PAK5: variants seen among roughly 807,000 people sequenced by gnomAD.
The protein encoded by PAK5 is serine/threonine-protein kinase PAK 5.
Under a neutral mutation model 65.9 loss-of-function variants are expected in PAK5, and 16 were observed. That is an observed-to-expected ratio of 0.24 (90% CI 0.16 to 0.37). The LOEUF (loss-of-function observed/expected upper bound fraction) is 0.37. Among genes scored for constraint, PAK5 ranks in the 10% least tolerant of loss-of-function variants. The pLI, the probability that PAK5 is intolerant of heterozygous loss-of-function variation, is 1.00. For missense variants in PAK5, 785 were observed against 903.9 expected (o/e 0.87, Z 1.69); for synonymous variants, 371 against 354.9 (o/e 1.05, Z -0.51).
intron 1 of PAK5, among the ~76,000 whole-genome samples, chr20:9,782,515 C>T (rs1172004587): frequency 2.0e-5 from 3 of 152,042 alleles, no homozygotes; most frequent in Non-Finnish European, 4.4e-5. Context: ...ATATGTGTAC[C>T]TTGGAATCCG....
At chr20:9,799,084 T>A (rs2049137944) in intron 1 of PAK5, among the ~76,000 whole-genome samples, 1 of 152,166 alleles carries the variant, frequency 6.6e-6, no homozygotes, top group Non-Finnish European at 1.5e-5. Context: ...AAAAACTAGA[T>A]AAGTAGTGAA....
intron 1 of PAK5, among the ~76,000 whole-genome samples, chr20:9,750,184 T>C (rs1215922149): frequency 2.0e-5 from 3 of 152,032 alleles, no homozygotes; most frequent in African/African-American, 7.2e-5. Flanking sequence ...TGGCAGCAAA[T>C]GTTTGCCTCC....
At chr20:9,644,925 A>C (rs1267018906) in intron 2 of PAK5, among the ~76,000 whole-genome samples, 1 of 152,248 alleles carries the variant, frequency 6.6e-6, no homozygotes, top group East Asian at 1.9e-4. Flanking sequence ...TGACCAGTAC[A>C]CAGGGAGAAA....
intron 3 of PAK5, among the ~76,000 whole-genome samples, chr20:9,625,589 A>G (rs1194244715): frequency 2.0e-5 from 3 of 151,906 alleles, no homozygotes; most frequent in Non-Finnish European, 4.4e-5. Context: ...TTTCTTACGG[A>G]GAAGGTCTTG....
chr20:9,561,292 G>C (rs2045586803), intron 6 of PAK5, among the ~76,000 whole-genome samples: 1 of 152,278 alleles, frequency 6.6e-6, no homozygotes, highest in East Asian at 1.9e-4. Flanking sequence ...GACAAAGGTA[G>C]AGCTGGAGAC....
chr20:9,671,886 A>G (rs1384755912), intron 2 of PAK5, among the ~76,000 whole-genome samples: 1 of 152,142 alleles, frequency 6.6e-6, no homozygotes, highest in East Asian at 1.9e-4. Flanking sequence ...GTTTTTGTCC[A>G]TTCAGTAAAA....
chr20:9,555,406 G>A (rs920037842), intron 7 of PAK5, among the ~76,000 whole-genome samples: 6 of 152,148 alleles, frequency 3.9e-5, no homozygotes, highest in African/African-American at 1.4e-4. Context: ...TGACTTCTTA[G>A]TCTCATTTCT....
At position 9,673,744 on chromosome 20, in the gene PAK5, TA is replaced by T. The variant is rs138572140; in HGVS notation, c.-11-29406del. Among the ~76,000 whole-genome samples, 529 of 152,272 alleles carry T rather than the reference TA, an allele frequency of 3.5e-3. 3 individuals are homozygous for T. Among genetic ancestry groups the T allele is most frequent in the African/African-American group, 0.012 (501 of 41,560 alleles). On this transcript the variant is annotated intron_variant, in intron 2 of 9. Transcript: ENST00000353224. ...CTACTTGTCCATCAGTATACTGTATTATAGTTTTTATGGGACATTTCTGCCC... is the reference window on the plus strand; with the variant it reads ...CTACTTGTCCATCAGTATACTGTATTTAGTTTTTATGGGACATTTCTGCCC...
At chr20:9,804,663 T>C (rs2049209981) in intron 1 of PAK5, among the ~76,000 whole-genome samples, 1 of 152,140 alleles carries the variant, frequency 6.6e-6, no homozygotes, top group South Asian at 2.1e-4. Flanking sequence ...TTGGCAGTGG[T>C]TCCTCAGTTA....
At chr20:9,798,417 G>A (rs540035505) in intron 1 of PAK5, among the ~76,000 whole-genome samples, 18 of 152,188 alleles carry the variant, frequency 1.2e-4, no homozygotes, top group Non-Finnish European at 2.5e-4. Context: ...GTACAGGGTT[G>A]GCCTTTGACT....
rs555628973 is a variant in PAK5 at position 9,829,096 on chromosome 20, A to G, written c.-162+9666T>C. ...TTAGCTAAGGAAATCCCACAACTGG[A>G]CATCTGTTTAAAAATGTAAGTTAAA... On this transcript the variant is annotated intron_variant, in intron 1 of 9. Coordinates refer to ENST00000353224, the MANE Select transcript of PAK5 (RefSeq NM_177990.4). Among the ~76,000 whole-genome samples, 23 of 152,340 alleles carry G rather than the reference A, an allele frequency of 1.5e-4. No homozygotes were observed. The South Asian group carries it at 4.1e-3, about 27-fold the overall frequency.
chr20:9,626,086 T>G (rs1344313450), intron 3 of PAK5, among the ~76,000 whole-genome samples: 1 of 152,100 alleles, frequency 6.6e-6, no homozygotes, highest in East Asian at 1.9e-4. Context: ...GACCTTTACA[T>G]AAAACAATGG....
intron 2 of PAK5, among the ~76,000 whole-genome samples, chr20:9,650,200 A>C (rs1005796854): frequency 2.0e-5 from 3 of 152,224 alleles, no homozygotes; most frequent in Non-Finnish European, 4.4e-5. Context: ...GATGATCTGA[A>C]TGTTGCTTCC....
intron 1 of PAK5, among the ~76,000 whole-genome samples, chr20:9,828,024 C>G (rs1357859571): frequency 6.6e-6 from 1 of 152,042 alleles, no homozygotes; most frequent in Admixed American, 6.6e-5. Context: ...TTAGTAGAGA[C>G]AGGGTTTCAC....
rs1600411825 is a variant in PAK5, at chr20:9,822,420, G to T, written c.-162+16342C>A. On this transcript the variant is annotated intron_variant, in intron 1 of 9. Transcript: ENST00000353224. ...ACTTATGTTTCATTTTTCAACATTA[G>T]ATGCGTTTATAATAACAGCTCCCTG... 5.3e-5 allele frequency among the ~76,000 whole-genome samples: 8 copies of T among 151,944 alleles called. No homozygotes were observed. In the South Asian group the frequency reaches 1.7e-3, roughly 32 times the overall value.
Position 9,615,016 on chromosome 20 carries a change from C to T in PAK5, c.204+29109G>A, listed in dbSNP as rs926192805. ...ATTAACATATATACAAATGTGCTAC[C>T]GAGCCATGAAAAGATATGAAGGAAA... On this transcript the variant is annotated intron_variant, in intron 3 of 9. Transcript: ENST00000353224. Among the ~76,000 whole-genome samples, 6 of 151,696 alleles carry T rather than the reference C, an allele frequency of 4.0e-5. No homozygotes were observed. The East Asian group carries it at 5.8e-4, about 15-fold the overall frequency.
intron 1 of PAK5, among the ~76,000 whole-genome samples, chr20:9,808,435 C>T (rs541899751): frequency 6.6e-6 from 1 of 152,290 alleles, no homozygotes; most frequent in Non-Finnish European, 1.5e-5. Flanking sequence ...CACACACAAA[C>T]TTGTACATGA....
At chr20:9,774,701 C>T (rs1208752410) in intron 1 of PAK5, among the ~76,000 whole-genome samples, 1 of 152,100 alleles carries the variant, frequency 6.6e-6, no homozygotes, top group South Asian at 2.1e-4. Flanking sequence ...GAGGAGCTGA[C>T]GGACGACCAA....
chr20:9,678,102 C>A (rs139899109), intron 2 of PAK5, among the ~76,000 whole-genome samples: 25 of 152,334 alleles, frequency 1.6e-4, no homozygotes, highest in African/African-American at 5.8e-4. Context: ...TATGTTTCTG[C>A]TCTAACAAGA....
Sources: allele counts gnomAD v4.1 joint callset (sites outside exome capture counted in the v4.1 genomes callset), GRCh38; gene constraint gnomAD v4.1.1; transcripts MANE v1.5; gene names NCBI Gene and HGNC (gene_info 2026-07-23, HGNC 2026-07-21).